Variants in DGKB observed in about 807,000 individuals in gnomAD.
The protein encoded by DGKB is diacylglycerol kinase beta, also known as 90 kDa diacylglycerol kinase.
DGKB carries 67 observed loss-of-function variants against 114.3 expected under a neutral mutation model. The observed-to-expected ratio is 0.59, with a 90% CI of 0.48 to 0.72. The LOEUF is 0.72. DGKB is among the 30% of genes least tolerant of loss of function. The pLI, the probability that DGKB is intolerant of heterozygous loss-of-function variation, is 0.00. For synonymous variants in DGKB, 398 were observed against 323.1 expected, an observed-to-expected ratio of 1.23 and a Z score of -2.49; for missense variants, 907 against 975.2, an observed-to-expected ratio of 0.93 and a Z score of 0.93.
At chr7:14,155,155 T>C (rs1014571853) in intron 25 of DGKB, among the ~76,000 whole-genome samples, 5 of 152,226 alleles carry the variant, frequency 3.3e-5, no homozygotes, top group African/African-American at 1.2e-4. Flanking sequence ...AATAAGAATC[T>C]GTTGACTGAC....
At chr7:14,729,328 T>A (rs780942393) in intron 5 of DGKB, among the ~76,000 whole-genome samples, 6 of 151,838 alleles carry the variant, frequency 4.0e-5, no homozygotes, top group South Asian at 2.1e-4. Flanking sequence ...TTCACCGTGT[T>A]AGCCAGGATG....
chr7:14,866,192 G>A (rs1472724705), intron 1 of DGKB, among the ~76,000 whole-genome samples: 1 of 152,074 alleles, frequency 6.6e-6, no homozygotes, highest in Non-Finnish European at 1.5e-5. Flanking sequence ...TACATCCCTA[G>A]CTTCCACTCT....
chr7:14,532,825 C>G (rs1024466464), intron 20 of DGKB, among the ~76,000 whole-genome samples: 3 of 151,558 alleles, frequency 2.0e-5, no homozygotes, highest in African/African-American at 7.3e-5. Flanking sequence ...GAGCTACATG[C>G]TGTTTTAGAG....
At chr7:14,349,101 G>T (rs2128601848) in intron 21 of DGKB, among the ~76,000 whole-genome samples, 1 of 152,124 alleles carries the variant, frequency 6.6e-6, no homozygotes, top group Non-Finnish European at 1.5e-5. Flanking sequence ...GTCATTAAGA[G>T]AACTGTAGTT....
chr7:14,506,625 G>C (rs538566056), intron 20 of DGKB, among the ~76,000 whole-genome samples: 1 of 152,064 alleles, frequency 6.6e-6, no homozygotes, highest in Non-Finnish European at 1.5e-5. Context: ...ATTCAGCAAG[G>C]CACTGGAAAA....
intron 1 of DGKB, among the ~76,000 whole-genome samples, chr7:14,870,690 G>C (rs1852326599): frequency 6.6e-6 from 1 of 152,038 alleles, no homozygotes; most frequent in African/African-American, 2.4e-5. Context: ...AGCTACTCAG[G>C]AGGTTGAGGC....
At chr7:14,678,327 T>C (rs1226164177) in intron 12 of DGKB, among the ~76,000 whole-genome samples, 5 of 152,018 alleles carry the variant, frequency 3.3e-5, no homozygotes, top group Non-Finnish European at 7.4e-5. Context: ...ATGTGGAATG[T>C]AAGTACAGAA....
At chr7:14,250,617 C>A (rs78924791) in intron 23 of DGKB, among the ~76,000 whole-genome samples, 1 of 152,108 alleles carries the variant, frequency 6.6e-6, no homozygotes, top group South Asian at 2.1e-4. Context: ...GTGCATTCTG[C>A]TGTGTTGGAT....
At chr7:14,428,986 T>A (rs965480460) in intron 21 of DGKB, among the ~76,000 whole-genome samples, 2 of 152,106 alleles carry the variant, frequency 1.3e-5, no homozygotes, top group African/African-American at 4.8e-5. Context: ...GGTGGTTTAA[T>A]AATACAGGAC....
intron 20 of DGKB, among the ~76,000 whole-genome samples, chr7:14,535,857 T>G (rs556864115): frequency 3.3e-5 from 5 of 152,274 alleles, no homozygotes; most frequent in African/African-American, 9.6e-5. Flanking sequence ...CGTACTGGGA[T>G]TATAGGCATG....
At chr7:14,473,562 G>A (rs1280125452) in intron 21 of DGKB, among the ~76,000 whole-genome samples, 1 of 152,128 alleles carries the variant, frequency 6.6e-6, no homozygotes, top group African/African-American at 2.4e-5. Context: ...TGTGAGAAGA[G>A]GGCCACCATC....
intron 20 of DGKB, among the ~76,000 whole-genome samples, chr7:14,500,240 GTATT>G (rs1785941967): frequency 1.3e-5 from 2 of 151,640 alleles, no homozygotes; most frequent in Non-Finnish European, 3.0e-5. Flanking sequence ...CCCTTTAACT[GTATT>G]GATCCAGACT....
At chr7:14,854,202 A>G (rs980212941) in intron 1 of DGKB, among the ~76,000 whole-genome samples, 1 of 152,202 alleles carries the variant, frequency 6.6e-6, no homozygotes, top group African/African-American at 2.4e-5. Context: ...TTAGCATGTG[A>G]CATTTCAGTA....
At chr7:14,627,071 C>T (rs1808725551) in intron 14 of DGKB, among the ~76,000 whole-genome samples, 1 of 151,996 alleles carries the variant, frequency 6.6e-6, no homozygotes, top group Non-Finnish European at 1.5e-5. Flanking sequence ...CAGTAAATGG[C>T]AATGATTTTA....
chr7:14,803,600 G>T (rs756745791), intron 2 of DGKB, among the ~76,000 whole-genome samples: 2 of 151,944 alleles, frequency 1.3e-5, no homozygotes, highest in Non-Finnish European at 2.9e-5. Flanking sequence ...TGTCCCTTTC[G>T]GGCTGAGTTA....
intron 1 of DGKB, among the ~76,000 whole-genome samples, chr7:14,929,648 A>G (rs12670966): frequency 0.36 from 54,674 of 151,970 alleles, 11,799 homozygotes; most frequent in East Asian, 0.88. Context: ...CAGTTAGCAC[A>G]TATTTTCCTC....
chr7:14,758,564 A>C (rs1005915232), intron 2 of DGKB, among the ~76,000 whole-genome samples: 1 of 152,258 alleles, frequency 6.6e-6, no homozygotes, highest in African/African-American at 2.4e-5. Context: ...AAAAAACCTC[A>C]AAATTAAAAT....
At chr7:14,768,310 G>A (rs187344148) in intron 2 of DGKB, among the ~76,000 whole-genome samples, 1 of 151,922 alleles carries the variant, frequency 6.6e-6, no homozygotes, top group Non-Finnish European at 1.5e-5. Context: ...TGTAGTTGAA[G>A]AATTTGCTTC....
chr7:14,481,001 A>T (rs1439634215), intron 20 of DGKB, among the ~76,000 whole-genome samples: 2 of 151,966 alleles, frequency 1.3e-5, no homozygotes, highest in East Asian at 3.8e-4. Flanking sequence ...TAACCTATAT[A>T]GCTTTATTTT....
Sources: gnomAD v4.1 joint callset for allele counts (sites outside exome capture counted in the v4.1 genomes callset) on GRCh38, gnomAD v4.1.1 for gene constraint, MANE v1.5 for transcripts, NCBI Gene and HGNC (gene_info 2026-07-23, HGNC 2026-07-21) for gene names.